NUP62CL: variants seen among roughly 807,000 people sequenced by gnomAD.
The protein encoded by NUP62CL is nucleoporin-62 C-terminal-like protein.
A neutral mutation model predicts 15.3 loss-of-function variants in NUP62CL; 13 were observed. The ratio of observed to expected loss-of-function variants is 0.85; its 90% CI spans 0.55 to 1.35. The LOEUF is 1.35. Ranked by LOEUF, NUP62CL falls within the 40% of genes most tolerant of loss-of-function variation. The pLI is 0.00. For missense variants in NUP62CL, 123 were observed against 130.6 expected (o/e 0.94, Z 0.28); for synonymous variants, 54 against 49.2 (o/e 1.10, Z -0.41).
intron 3 of NUP62CL, among the ~76,000 whole-genome samples, chrX:107,168,548 CAT>C (rs1926569321): frequency 8.9e-6 from 1 of 112,096 alleles, no homozygotes; most frequent in South Asian, 3.7e-4. Context: ...CTCTCCTACT[CAT>C]AGTTTCCTTT....
chrX:107,146,341 A>G (rs769701927), intron 8 of NUP62CL, among the ~76,000 whole-genome samples: 4 of 111,885 alleles, frequency 3.6e-5, no homozygotes, highest in Admixed American at 9.5e-5. Context: ...TCTTTTCCTC[A>G]TTGAAGTGTA....
intron 1 of NUP62CL, among the ~76,000 whole-genome samples, chrX:107,201,578 A>C (rs1321695579): frequency 9.1e-6 from 1 of 110,331 alleles, no homozygotes. Flanking sequence ...TATAGCAATA[A>C]AAAATAACTT....
At chrX:107,181,553 TA>T (rs1341611248) in intron 2 of NUP62CL, among the ~76,000 whole-genome samples, 32 of 105,056 alleles carry the variant, frequency 3.0e-4, no homozygotes, top group Admixed American at 7.2e-4. Flanking sequence ...ATTACTTTCC[TA>T]AAAAAAAAAA....
At chrX:107,166,684 T>G (rs1926523059) in intron 4 of NUP62CL, among the ~76,000 whole-genome samples, 1 of 111,590 alleles carries the variant, frequency 9.0e-6, no homozygotes, top group Admixed American at 9.5e-5. Flanking sequence ...CATCAACAGG[T>G]GAATGGTTAA....
chrX:107,181,669 G>A (rs1167566618), intron 2 of NUP62CL, among the ~76,000 whole-genome samples: 3 of 110,709 alleles, frequency 2.7e-5, no homozygotes, highest in Non-Finnish European at 5.7e-5. Flanking sequence ...ATGGTTTTAC[G>A]AGAATTGCAT....
At chrX:107,203,734 A>C (rs754599312) in intron 1 of NUP62CL, among the ~76,000 whole-genome samples, 1 of 111,911 alleles carries the variant, frequency 8.9e-6, no homozygotes, top group African/African-American at 3.2e-5. Context: ...AAAGTATATG[A>C]AAAAGGATCA....
At chrX:107,164,795 C>T (rs1926469497) in intron 4 of NUP62CL, among the ~76,000 whole-genome samples, 1 of 112,974 alleles carries the variant, frequency 8.9e-6, no homozygotes, top group South Asian at 3.6e-4. Flanking sequence ...AATTTAAAAG[C>T]CCCTTTAGCC....
intron 8 of NUP62CL, chrX:107,132,152 C>T: frequency 8.6e-7 from 1 of 1,164,696 alleles, no homozygotes; most frequent in South Asian, 1.8e-5. Flanking sequence ...AACGAGAGTT[C>T]AAACCTGAGT....
At chrX:107,194,811 CTTTTT>C (rs1174813324) in intron 1 of NUP62CL, among the ~76,000 whole-genome samples, 14 of 46,312 alleles carry the variant, frequency 3.0e-4, no homozygotes, top group African/African-American at 1.1e-3. Flanking sequence ...TTCTTTCTCT[CTTTTT>C]TTTTTTTTTT....
At chrX:107,162,267 A>G (rs1926404860) in intron 4 of NUP62CL, among the ~76,000 whole-genome samples, 1 of 110,512 alleles carries the variant, frequency 9.0e-6, no homozygotes, top group Non-Finnish European at 1.9e-5. Flanking sequence ...CATTTGTATA[A>G]TAAGAGCTCC....
At chrX:107,185,761 C>T (rs1299562373) in intron 2 of NUP62CL, among the ~76,000 whole-genome samples, 1 of 111,244 alleles carries the variant, frequency 9.0e-6, no homozygotes, top group Non-Finnish European at 1.9e-5. Context: ...TGTAAATGGC[C>T]TATACATACC....
At chrX:107,173,140 T>A (rs745904864) in intron 3 of NUP62CL, among the ~76,000 whole-genome samples, 1 of 112,535 alleles carries the variant, frequency 8.9e-6, no homozygotes, top group African/African-American at 3.2e-5. Context: ...TATTAACTAT[T>A]ACCCTTTAAA....
intron 4 of NUP62CL, among the ~76,000 whole-genome samples, chrX:107,157,016 GA>G (rs1211040172): frequency 1.0e-5 from 1 of 95,464 alleles, no homozygotes; most frequent in East Asian, 3.4e-4. Flanking sequence ...TCAACTGGAA[GA>G]AAGGGTATCA....
At chrX:107,128,860 A>G (rs972617127) in intron 8 of NUP62CL, among the ~76,000 whole-genome samples, 1 of 112,319 alleles carries the variant, frequency 8.9e-6, no homozygotes, top group East Asian at 2.8e-4. Flanking sequence ...TACTTTGTAT[A>G]TTATGCAAAG....
intron 8 of NUP62CL, 41 bp downstream of exon 8, chrX:107,147,702 T>C (rs1275792562): frequency 7.2e-6 from 6 of 828,913 alleles, no homozygotes; most frequent in Non-Finnish European, 1.1e-5. Context: ...CGTTTTCTAC[T>C]TGCAATAAAT....
intron 4 of NUP62CL, among the ~76,000 whole-genome samples, chrX:107,157,808 T>G (rs1345311722): frequency 1.1e-4 from 12 of 110,996 alleles, no homozygotes; most frequent in South Asian, 3.8e-4. Context: ...TGGACTAAAT[T>G]CTCCAATTAA....
chrX:107,180,408 C>T (rs1471334100), intron 2 of NUP62CL, among the ~76,000 whole-genome samples: 1 of 111,423 alleles, frequency 9.0e-6, no homozygotes, highest in Admixed American at 9.6e-5. Flanking sequence ...TGGCCATCAG[C>T]AAGGGACTGG....
rs375309905 is a variant in NUP62CL, at chrX:107,170,744, T to C, written c.59-2960A>G. Among the ~76,000 whole-genome samples, 12 of 112,231 alleles carry C rather than the reference T, an allele frequency of 1.1e-4. No homozygotes were observed. The East Asian group carries it at 3.4e-3, about 31-fold the overall frequency. On this transcript the variant is annotated intron_variant, in intron 3 of 8. Transcript: ENST00000372466. ...ACTTTTTGTACAGTTTTATTTTTGT[T>C]ATCTTTCATGCTATTTTTAAAGGCA... is the stretch of plus-strand genomic sequence containing the variant.
intron 8 of NUP62CL, among the ~76,000 whole-genome samples, chrX:107,134,709 A>T (rs1473276924): frequency 9.1e-6 from 1 of 110,472 alleles, no homozygotes; most frequent in Non-Finnish European, 1.9e-5. Context: ...CTGCCTCGAC[A>T]AGGTGCTATA....
Sources: gnomAD v4.1 joint callset for allele counts (sites outside exome capture counted in the v4.1 genomes callset) on GRCh38, gnomAD v4.1.1 for gene constraint, MANE v1.5 for transcripts, NCBI Gene and HGNC (gene_info 2026-07-23, HGNC 2026-07-21) for gene names.